Variants in SFMBT2 observed in about 807,000 individuals in gnomAD.
SFMBT2 encodes scm-like with four MBT domains protein 2.
In SFMBT2, 38 loss-of-function variants were observed where a neutral mutation model predicts 110.1. The observed-to-expected ratio is 0.35, with a 90% confidence interval of 0.27 to 0.45. SFMBT2 has a LOEUF of 0.45. SFMBT2 is among the 20% of genes least tolerant of loss of function. The pLI, the probability that SFMBT2 is intolerant of heterozygous loss-of-function variation, is 1.00. For synonymous variants in SFMBT2, 425 were observed against 425.4 expected, an observed-to-expected ratio of 1.00 and a Z score of 0.01; for missense variants, 1,011 against 1,094.9, an observed-to-expected ratio of 0.92 and a Z score of 1.08.
chr10:7,287,205 G>A (rs1215107017), intron 4 of SFMBT2, among the ~76,000 whole-genome samples: 9 of 145,490 alleles, frequency 6.2e-5, no homozygotes, highest in South Asian at 2.2e-4. Flanking sequence ...TCAGCCTCCC[G>A]AGTAGCTGGG....
chr10:7,381,400 G>A (rs1845417928), intron 2 of SFMBT2, among the ~76,000 whole-genome samples: 1 of 152,102 alleles, frequency 6.6e-6, no homozygotes, highest in African/African-American at 2.4e-5. Flanking sequence ...CCTGTCAAGG[G>A]GTTCTGAGCA....
At chr10:7,345,170 G>T (rs967568030) in intron 4 of SFMBT2, among the ~76,000 whole-genome samples, 1 of 151,946 alleles carries the variant, frequency 6.6e-6, no homozygotes, top group African/African-American at 2.4e-5. Flanking sequence ...CTTCCCTGGG[G>T]TCTGCAAGTG....
chr10:7,325,057 T>G (rs1454072551), intron 4 of SFMBT2, among the ~76,000 whole-genome samples: 6 of 133,256 alleles, frequency 4.5e-5, no homozygotes, highest in African/African-American at 1.7e-4. Flanking sequence ...AACCTCCACC[T>G]CCCAGGTTCA....
intron 17 of SFMBT2, among the ~76,000 whole-genome samples, chr10:7,174,191 G>A (rs1837977053): frequency 6.6e-6 from 1 of 152,220 alleles, no homozygotes; most frequent in African/African-American, 2.4e-5. Context: ...CCCGTGTCCA[G>A]TTCTATAAGG....
rs72773851 is a variant in SFMBT2 at position 7,195,408 on chromosome 10, T to C, written c.1698+2140A>G. On this transcript the variant is annotated intron_variant, in intron 15 of 20. Coordinates refer to ENST00000397167, the MANE Select transcript of SFMBT2 (RefSeq NM_001387889.1). The stretch of plus-strand genomic sequence containing the variant: ...TCTTTAGCTGTGAATTTCTCATATA[T>C]GGAATCTACTTGCCACTTAGGCTTA... 9.2e-3 allele frequency among the ~76,000 whole-genome samples: 1,401 copies of C among 152,326 alleles called. 14 individuals carry two copies. Among genetic ancestry groups the C allele is most frequent in the Non-Finnish European group, 0.015 (988 of 68,028 alleles).
chr10:7,200,351 C>T (rs746341229), intron 14 of SFMBT2, 63 bp downstream of exon 14: 6 of 1,295,152 alleles, frequency 4.6e-6, no homozygotes, highest in African/African-American at 1.5e-5. Flanking sequence ...GAAACCTATA[C>T]ATGTCTCTGC....
At chr10:7,257,228 T>A (rs1295980491) in intron 7 of SFMBT2, among the ~76,000 whole-genome samples, 1 of 152,190 alleles carries the variant, frequency 6.6e-6, no homozygotes, top group African/African-American at 2.4e-5. Context: ...CCTGACTTTA[T>A]AGTTTTGGCT....
intron 11 of SFMBT2, among the ~76,000 whole-genome samples, chr10:7,212,389 C>T (rs1839378624): frequency 6.6e-6 from 1 of 152,208 alleles, no homozygotes; most frequent in Admixed American, 6.5e-5. Flanking sequence ...GTTCACAGGA[C>T]CGCCTGTAAA....
intron 4 of SFMBT2, among the ~76,000 whole-genome samples, chr10:7,356,929 T>C (rs1844533909): frequency 4.6e-5 from 7 of 152,216 alleles, no homozygotes; most frequent in Admixed American, 4.6e-4. Context: ...CTCTTCTTCC[T>C]ACCCACTTCG....
In SFMBT2 at chr10:7,220,484, G is replaced by A; in HGVS notation, c.1257C>T (p.Pro419=). 2 of 1,614,080 alleles carry A rather than the reference G, an allele frequency of 1.2e-6. No homozygotes were observed. Among genetic ancestry groups the A allele is most frequent in the South Asian group, 2.2e-5 (2 of 91,080 alleles). ...CCACACACAGTTCTCCTGGATTCCTGGGGTTCACAGCTTCAAGTTTCATGT... is the reference window on the plus strand; with the variant it reads ...CCACACACAGTTCTCCTGGATTCCTAGGGTTCACAGCTTCAAGTTTCATGT... ...TKNMKLEAVN[P]RNPGELCVAS... Residue 419 remains proline (P), a synonymous_variant, in exon 11 of 21, where the codon CCC becomes CCT. Transcript: ENST00000397167.
intron 2 of SFMBT2, 23 bp downstream of exon 2, chr10:7,381,776 G>A (rs373035768): frequency 7.5e-5 from 121 of 1,606,940 alleles, no homozygotes; most frequent in Admixed American, 1.2e-4. Flanking sequence ...AAATCCAGAT[G>A]AATCTCGAAA....
intron 2 of SFMBT2, 117 bp from the exon 3 acceptor site, chr10:7,370,492 G>C (rs1010010349): frequency 3.5e-6 from 3 of 851,084 alleles, no homozygotes; most frequent in Non-Finnish European, 5.6e-6. Flanking sequence ...CCACAGTTCA[G>C]AAGGATATTG....
chr10:7,249,131 C>A (rs967206478), intron 7 of SFMBT2: 7 of 935,178 alleles, frequency 7.5e-6, no homozygotes, highest in Non-Finnish European at 8.9e-6. Flanking sequence ...TGGCACACAG[C>A]TCACCGGCAC....
In SFMBT2 at chr10:7,197,560, C is replaced by G. The variant is rs375561941; in HGVS notation, c.1686G>C (p.Leu562=). 1.2e-6 allele frequency: 2 copies of G among 1,613,952 alleles called. No homozygotes were observed. The highest frequency in any genetic ancestry group is 1.1e-5 in the South Asian group (1 of 91,074). ...PQSVGPGKCV[L]VLKEVLSMII... Reference sequence around the variant, plus strand: ...GCACGGGCTTTACCTCTTTAAGAACCAGCACGCATTTGCCCGGTCCCACCG... The same window carrying G: ...GCACGGGCTTTACCTCTTTAAGAACGAGCACGCATTTGCCCGGTCCCACCG... The change falls in exon 15 of 21, where the codon CTG becomes CTC. Residue 562 remains leucine, a synonymous_variant. Transcript: ENST00000397167.
chr10:7,164,609 G>A (rs957302947), intron 20 of SFMBT2, among the ~76,000 whole-genome samples: 1 of 152,222 alleles, frequency 6.6e-6, no homozygotes, highest in Admixed American at 6.5e-5. Flanking sequence ...CTTCATCTGA[G>A]CACTAAGCAA....
chr10:7,228,731 CTTTCCTTTCTCT>C (rs1381895718), intron 9 of SFMBT2, among the ~76,000 whole-genome samples: 1 of 62,532 alleles, frequency 1.6e-5, no homozygotes, highest in Non-Finnish European at 3.1e-5. Context: ...TTCTTTCTTT[CTTTCCTTTCTCT>C]CTCTCTCTCT....
intron 2 of SFMBT2, among the ~76,000 whole-genome samples, chr10:7,373,402 T>C (rs1845111646): frequency 6.6e-6 from 1 of 152,202 alleles, no homozygotes; most frequent in Non-Finnish European, 1.5e-5. Flanking sequence ...TCGGGTATTC[T>C]GTTATAGGAA....
Position 7,410,924 on chromosome 10 carries a change from G to C in SFMBT2, c.-115C>G, listed in dbSNP as rs1167555093. 6.6e-6 allele frequency among the ~76,000 whole-genome samples: 1 copy of C among 151,446 alleles called. No individual in the cohort carries two copies. Among genetic ancestry groups the C allele is most frequent in the African/African-American group, 2.4e-5 (1 of 41,252 alleles). ...CCCGGTCGCCGCCCGGGAGGGCACC[G>C]GCCTCGCTCGCTTGCTCGCTCGCCC... On this transcript the variant is annotated 5_prime_UTR_variant, in exon 1 of 21. Transcript: ENST00000397167.
intron 4 of SFMBT2, among the ~76,000 whole-genome samples, chr10:7,300,293 T>TG (rs964223663): frequency 1.1e-4 from 17 of 152,014 alleles, no homozygotes; most frequent in African/African-American, 3.6e-4. Flanking sequence ...CAGCTTTTTT[T>TG]TTTTTTAAGA....
Sources: allele counts gnomAD v4.1 joint callset (sites outside exome capture counted in the v4.1 genomes callset), GRCh38; gene constraint gnomAD v4.1.1; transcripts MANE v1.5; gene names NCBI Gene and HGNC (gene_info 2026-07-23, HGNC 2026-07-21).